Variants in ERVW-1 observed in about 807,000 individuals in gnomAD.
ERVW-1 encodes the protein syncytin-1.
ERVW-1 carries 21 observed loss-of-function variants against 16.6 expected under a neutral mutation model. The ratio of observed to expected loss-of-function variants is 1.26; its 90% CI spans 0.90 to 1.82. ERVW-1 has a LOEUF of 1.82. ERVW-1 is among the 40% of genes most tolerant of loss of function. ERVW-1 has a pLI of 0.00. For missense variants in ERVW-1, 412 were observed against 300.2 expected, an observed-to-expected ratio of 1.37 and a Z score of -2.75; for synonymous variants, 161 against 109.8, an observed-to-expected ratio of 1.47 and a Z score of -2.92.
chr7:92,470,586 G>T lies in ERVW-1; in HGVS notation c.-205C>A. ...CAGTTGGGGTAGATAAAATGACTGGGTAGGGTCCTTCCCAGGATGTATCTA... is the reference window on the plus strand; with the variant it reads ...CAGTTGGGGTAGATAAAATGACTGGTTAGGGTCCTTCCCAGGATGTATCTA... On this transcript the variant is annotated 5_prime_UTR_variant, in exon 2 of 2. Coordinates refer to ENST00000603053, the MANE Select transcript of ERVW-1 (RefSeq NM_001130925.2). 1 of 506,796 alleles carries T rather than the reference G, an allele frequency of 2.0e-6. No individual in the cohort carries two copies. Among genetic ancestry groups the T allele is most frequent in the African/African-American group, 1.9e-5 (1 of 51,290 alleles). 31.4% of individuals were successfully genotyped at this position (506,796 alleles called of 1,614,324 possible).
rs185901362 is a variant in ERVW-1, at chr7:92,470,687, A to G, written c.-227-79T>C. Reference sequence around the variant, plus strand: ...TGGAATAGTTCTTTTCCCTCTTCTCAGGGATAGGTTCCTTGTAATGTTTTA... The same window carrying G: ...TGGAATAGTTCTTTTCCCTCTTCTCGGGGATAGGTTCCTTGTAATGTTTTA... On this transcript the variant is annotated intron_variant, in intron 1 of 1. Coordinates refer to ENST00000603053, the MANE Select transcript of ERVW-1 (RefSeq NM_001130925.2). 255 of 251,874 alleles carry G rather than the reference A, an allele frequency of 1.0e-3. 1 individual carries two copies. Among genetic ancestry groups the G allele is most frequent in the African/African-American group, 5.2e-3 (230 of 44,408 alleles). The allele number at this position is 251,874 out of a possible 1,614,324, so 15.6% of individuals were successfully genotyped here. A position where few individuals can be genotyped will look rare whatever the true frequency, so the allele number is the denominator to read the frequency against.
At chr7:92,472,067 G>A (rs1790371885) in intron 1 of ERVW-1, 3 of 152,158 alleles carry the variant, frequency 2.0e-5, no homozygotes, top group South Asian at 4.1e-4. Flanking sequence ...AGTTGAGGTC[G>A]GGATCAGTCA....
At chr7:92,476,870 C>T (rs1790567276) in intron 1 of ERVW-1, among the ~76,000 whole-genome samples, 1 of 152,154 alleles carries the variant, frequency 6.6e-6, no homozygotes, top group African/African-American at 2.4e-5. Flanking sequence ...CAGCGCAGAG[C>T]TTCCTTAGAT....
At chr7:92,471,869 G>A (rs577941877) in intron 1 of ERVW-1, 1 of 152,308 alleles carries the variant, frequency 6.6e-6, no homozygotes, top group East Asian at 1.9e-4. Flanking sequence ...CATATTTAGA[G>A]TCTGTATATA....
intron 1 of ERVW-1, among the ~76,000 whole-genome samples, chr7:92,476,339 C>A (rs73230467): frequency 6.6e-6 from 1 of 152,106 alleles, no homozygotes; most frequent in Non-Finnish European, 1.5e-5. Context: ...AAAGCAGTTG[C>A]GCTACCGACT....
At chr7:92,470,941 C>G (rs1289860780) in intron 1 of ERVW-1, 2 of 167,296 alleles carry the variant, frequency 1.2e-5, no homozygotes, top group Non-Finnish European at 2.9e-5. Context: ...TTGAGTGTTT[C>G]ATTCATTTTC....
Position 92,470,277 on chromosome 7 carries a change from T to C in ERVW-1, c.105A>G (p.Gln35=), listed in dbSNP as rs1790292466. The C allele has an allele frequency of 1.3e-6, 1 of 778,434 alleles. No individual in the cohort carries two copies. Among genetic ancestry groups the C allele is most frequent in the Non-Finnish European group, 2.4e-6 (1 of 417,872 alleles). 48.2% of individuals were successfully genotyped at this position (778,434 alleles called of 1,614,324 possible). The change falls in exon 2 of 2, where the codon CAA becomes CAG. Residue 35 remains glutamine, a synonymous_variant. Coordinates refer to ENST00000603053, the MANE Select transcript of ERVW-1 (RefSeq NM_001130925.2). ...GACGCTGCATTCTCCATAGAAACTC[T>C]TGGTAAGGGGAGCTACTGGTCATAC... The part of the protein sequence containing the change: ...CRCMTSSSPY[Q]EFLWRMQRPG...
chr7:92,473,440 G>GT (rs1404070614), intron 1 of ERVW-1, among the ~76,000 whole-genome samples: 1 of 152,008 alleles, frequency 6.6e-6, no homozygotes, highest in East Asian at 1.9e-4. Flanking sequence ...GAATCCTTTA[G>GT]TTTAACTTGA....
At chr7:92,473,401 G>C (rs1405972008) in intron 1 of ERVW-1, among the ~76,000 whole-genome samples, 1 of 151,992 alleles carries the variant, frequency 6.6e-6, no homozygotes, top group Non-Finnish European at 1.5e-5. Flanking sequence ...GGTCTGAGGG[G>C]GTACTGCCTT....
In ERVW-1 at chr7:92,470,228, A is replaced by G. The variant is rs1187541354; in HGVS notation, c.154T>C (p.Tyr52His). The change falls in exon 2 of 2, where the codon TAT (tyrosine) becomes CAT (histidine). Residue 52 changes from tyrosine to histidine, a missense_variant. Coordinates refer to ENST00000603053, the MANE Select transcript of ERVW-1 (RefSeq NM_001130925.2). ...QRPGNIDAPS[Y>H]RSLSKGTPTF... ...GGGGTTCCCTTAGAAAGACTCCTAT[A>G]CGATGGGGCATCAATATTTCCGGGA... The G allele has an allele frequency of 1.3e-6, 1 of 778,700 alleles. No individual in the cohort carries two copies. Among genetic ancestry groups the G allele is most frequent in the Admixed American group, 1.7e-5 (1 of 59,002 alleles). 48.2% of individuals were successfully genotyped at this position (778,700 alleles called of 1,614,324 possible).
rs1585185060 is a variant in ERVW-1, at chr7:92,468,483, T to G, written c.*282A>C. 3.8e-6 allele frequency: 1 copy of G among 262,198 alleles called. No homozygotes were observed. Among genetic ancestry groups the G allele is most frequent in the Non-Finnish European group, 7.2e-6 (1 of 139,466 alleles). The allele number at this position is 262,198 out of a possible 1,614,324, so 16.2% of individuals were successfully genotyped here. ...GCCGTTGCCGGCTCGAAGACTTGGG[T>G]TTATATCCCGATCATTGTCCCTCCT... On this transcript the variant is annotated 3_prime_UTR_variant, in exon 2 of 2. Transcript: ENST00000603053.
chr7:92,469,935 T>A lies in ERVW-1; in HGVS notation c.447A>T (p.Leu149=). Reference sequence around the variant, plus strand: ...GGGTTTCATGTAGTTTTGAGAGATCTAGTCCTTTGTAGGGGCTAGAGGTGC... The same window carrying A: ...GGGTTTCATGTAGTTTTGAGAGATCAAGTCCTTTGTAGGGGCTAGAGGTGC... The part of the protein sequence containing the change: ...VHGTSSPYKG[L]DLSKLHETLR... The change falls in exon 2 of 2, where the codon CTA becomes CTT. Residue 149 remains leucine (L), a synonymous_variant. Coordinates refer to ENST00000603053, the MANE Select transcript of ERVW-1 (RefSeq NM_001130925.2). 1.3e-6 allele frequency: 1 copy of A among 778,200 alleles called. No homozygotes were observed. Among genetic ancestry groups the A allele is most frequent in the Non-Finnish European group, 2.4e-6 (1 of 417,596 alleles). 48.2% of individuals were successfully genotyped at this position (778,200 alleles called of 1,614,324 possible). A position where few individuals can be genotyped will look rare whatever the true frequency, so the allele number is the denominator to read the frequency against.
Position 92,473,519 on chromosome 7 carries a change from C to A in ERVW-1, c.-227-2911G>T, listed in dbSNP as rs957115395. On this transcript the variant is annotated intron_variant, in intron 1 of 1. Transcript: ENST00000603053. ...CCCAGACTTCAGGATTAATTCCTTC[C>A]TCAAGCAGGGGACAACAAACGGGTG... 6.6e-5 allele frequency among the ~76,000 whole-genome samples: 10 copies of A among 151,984 alleles called. No homozygotes were observed. The South Asian group carries it at 1.7e-3, about 25-fold the overall frequency.
rs1400478764 is a variant in ERVW-1, at chr7:92,469,561, G to A, written c.821C>T (p.Thr274Ile). 2 of 765,178 alleles carry A rather than the reference G, an allele frequency of 2.6e-6. No homozygotes were observed. Among genetic ancestry groups the A allele is most frequent in the Non-Finnish European group, 4.8e-6 (2 of 417,814 alleles). 47.4% of individuals were successfully genotyped at this position (765,178 alleles called of 1,614,324 possible). A position where few individuals can be genotyped will look rare whatever the true frequency, so the allele number is the denominator to read the frequency against. The change falls in exon 2 of 2, where the codon ACC (threonine) becomes ATC (isoleucine). Residue 274 changes from threonine to isoleucine, a missense_variant. Transcript: ENST00000603053. ...LPSGIFFVCG[T>I]SAYRCLNGSS... is the part of the protein sequence containing the mutation. ...GCCATTCAAACAACGATAGGCTGAG[G>A]TACCACAGACAAAAAATATTCCTGA...
In ERVW-1 at chr7:92,469,967, C is replaced by G; in HGVS notation, c.415G>C (p.Val139Leu). ...VKEVISQLTRVHGTSSPYKGL... is the reference protein window; with the variant it reads ...VKEVISQLTRLHGTSSPYKGL... ...TTGTAGGGGCTAGAGGTGCCATGTA[C>G]CCGGGTGAGTTGGGAGATTACTTCT... The change falls in exon 2 of 2, where the codon GTA (valine) becomes CTA (leucine). Residue 139 changes from valine to leucine, a missense_variant. Transcript: ENST00000603053. The G allele has an allele frequency of 2.6e-6, 2 of 777,068 alleles. No individual in the cohort carries two copies. Among genetic ancestry groups the G allele is most frequent in the Non-Finnish European group, 4.8e-6 (2 of 417,034 alleles). The allele number at this position is 777,068 out of a possible 1,614,324, so 48.1% of individuals were successfully genotyped here.
At chr7:92,476,797 C>T (rs375412322) in intron 1 of ERVW-1, among the ~76,000 whole-genome samples, 7 of 152,088 alleles carry the variant, frequency 4.6e-5, no homozygotes, top group East Asian at 1.9e-4. Context: ...GAGCTGTATG[C>T]CTAAATTGGG....
At position 92,469,631 on chromosome 7, in the gene ERVW-1, A is replaced by T. The variant is rs1562829728; in HGVS notation, c.751T>A (p.Cys251Ser). ...SNTTYTTNSQ[C>S]IRWVTPPTQI... is the part of the protein sequence containing the mutation. ...GTGGGAGGAGTTACCCACCTGATGC[A>T]TTGGGAGTTGGTTGTGTATGTAGTA... is the stretch of plus-strand genomic sequence containing the variant. The change falls in exon 2 of 2, where the codon TGC becomes AGC. Residue 251 changes from cysteine to serine, a missense_variant. By Grantham distance (112) the Cys-to-Ser change is moderately radical. Transcript: ENST00000603053. 1.3e-6 allele frequency: 1 copy of T among 764,540 alleles called. No individual in the cohort carries two copies. The highest frequency in any genetic ancestry group is 2.4e-6 in the Non-Finnish European group (1 of 417,878). 47.4% of individuals were successfully genotyped at this position (764,540 alleles called of 1,614,324 possible).
rs1382628061 is a variant in ERVW-1 at position 92,470,203 on chromosome 7, G to A, written c.179C>T (p.Pro60Leu). 2.6e-6 allele frequency: 2 copies of A among 778,584 alleles called. No homozygotes were observed. The highest frequency in any genetic ancestry group is 1.3e-5 in the South Asian group (1 of 74,478). 48.2% of individuals were successfully genotyped at this position (778,584 alleles called of 1,614,324 possible). Reference sequence around the variant, plus strand: ...CATATGGGTGTGGGCAGTGAAGGTGGGGGTTCCCTTAGAAAGACTCCTATA... The same window carrying A: ...CATATGGGTGTGGGCAGTGAAGGTGAGGGTTCCCTTAGAAAGACTCCTATA... The part of the protein sequence containing the change: ...PSYRSLSKGT[P>L]TFTAHTHMPR... Residue 60 changes from proline to leucine, a missense_variant, in exon 2 of 2, where the codon CCC becomes CTC. Coordinates refer to ENST00000603053, the MANE Select transcript of ERVW-1 (RefSeq NM_001130925.2).
chr7:92,476,600 T>A (rs1011534240), intron 1 of ERVW-1, among the ~76,000 whole-genome samples: 7 of 152,128 alleles, frequency 4.6e-5, no homozygotes, highest in Admixed American at 3.9e-4. Flanking sequence ...TCTTTGACTC[T>A]CTCTCTCTCC....
Sources: allele counts gnomAD v4.1 joint callset (sites outside exome capture counted in the v4.1 genomes callset), GRCh38; gene constraint gnomAD v4.1.1; transcripts MANE v1.5; gene names NCBI Gene and HGNC (gene_info 2026-07-23, HGNC 2026-07-21).